ATG7: variants seen among roughly 807,000 people sequenced by gnomAD.
ATG7 encodes autophagy related 7, also known as ubiquitin-like modifier-activating enzyme ATG7.
ATG7 carries 70 observed loss-of-function variants against 82.4 expected under a neutral mutation model. The ratio of observed to expected loss-of-function variants is 0.85; its 90% CI spans 0.70 to 1.04. The LOEUF (loss-of-function observed/expected upper bound fraction) is 1.04. ATG7 is among the 50% of genes least tolerant of loss of function. ATG7 has a pLI of 0.00. For synonymous variants in ATG7, 287 were observed against 313.0 expected (o/e 0.92, Z 0.88); for missense variants, 792 against 864.3 (o/e 0.92, Z 1.05).
chr3:11,551,688 C>A (rs907472833), intron 20 of ATG7, among the ~76,000 whole-genome samples: 1 of 152,168 alleles, frequency 6.6e-6, no homozygotes, highest in African/African-American at 2.4e-5. Context: ...CCTCAGCCTC[C>A]CAAAGTGCTG....
At chr3:11,300,161 A>G (rs1297086152) in intron 5 of ATG7, among the ~76,000 whole-genome samples, 1 of 152,124 alleles carries the variant, frequency 6.6e-6, no homozygotes, top group African/African-American at 2.4e-5. Context: ...TCCTGACTTC[A>G]AGTGATTCGC....
At chr3:11,351,084 G>A (rs2075506436) in intron 14 of ATG7, among the ~76,000 whole-genome samples, 1 of 152,022 alleles carries the variant, frequency 6.6e-6, no homozygotes, top group Admixed American at 6.6e-5. Flanking sequence ...CATTGTCAGT[G>A]ACCCAATACA....
chr3:11,394,355 A>G (rs990044850), intron 19 of ATG7, among the ~76,000 whole-genome samples: 1 of 152,216 alleles, frequency 6.6e-6, no homozygotes, highest in African/African-American at 2.4e-5. Context: ...AAGTCACCTT[A>G]AGAAACTGGA....
At chr3:11,399,022 G>T (rs147738123) in intron 19 of ATG7, among the ~76,000 whole-genome samples, 2 of 152,152 alleles carry the variant, frequency 1.3e-5, no homozygotes, top group Admixed American at 6.5e-5. Flanking sequence ...GCAAAAGGAA[G>T]ATTAACATGT....
At chr3:11,368,469 C>A (rs2076776455) in intron 18 of ATG7, among the ~76,000 whole-genome samples, 1 of 152,042 alleles carries the variant, frequency 6.6e-6, no homozygotes, top group Non-Finnish European at 1.5e-5. Context: ...CCTGCTAATT[C>A]TTTGGCTGTA....
At chr3:11,568,876 A>G in the ATG7 span, 1 of 1,350,192 alleles carries the variant, frequency 7.4e-7, no homozygotes, top group Non-Finnish European at 9.5e-7. This position sits in a 1 kb window ranked among gnomAD's most constrained non-coding sequence, Gnocchi z 5.9. Flanking sequence ...CTGAGGCTGC[A>G]CGGCACCCGG....
chr3:11,315,921 C>T (rs1214549543), intron 9 of ATG7, among the ~76,000 whole-genome samples: 9 of 151,988 alleles, frequency 5.9e-5, no homozygotes, highest in Non-Finnish European at 1.2e-4. Flanking sequence ...GAGACAGAGA[C>T]GAGGTTTCAC....
In ATG7 at chr3:11,361,724, G is replaced by A. The variant is rs542308918; in HGVS notation, c.1683+940G>A. 2.0e-5 allele frequency among the ~76,000 whole-genome samples: 3 copies of A among 152,288 alleles called. No homozygotes were observed. The South Asian group carries it at 6.2e-4, about 32-fold the overall frequency. The stretch of plus-strand genomic sequence containing the variant: ...GCTAATAGAGGAGGGAAGAATACCT[G>A]CCCTGTCAACTCACAGTGCAAAGTG... On this transcript the variant is annotated intron_variant, in intron 16 of 20. Transcript: ENST00000693202.
intron 20 of ATG7, among the ~76,000 whole-genome samples, chr3:11,462,522 G>T (rs1454384964): frequency 2.6e-5 from 4 of 152,146 alleles, no homozygotes; most frequent in Non-Finnish European, 5.9e-5. Context: ...TTTAGGGTTG[G>T]CTAGTTTGAA....
At chr3:11,404,587 A>G (rs911867739) in intron 19 of ATG7, among the ~76,000 whole-genome samples, 1 of 151,952 alleles carries the variant, frequency 6.6e-6, no homozygotes. Context: ...GGTTTTGGGC[A>G]TGTACCTAGC....
intron 3 of ATG7, among the ~76,000 whole-genome samples, chr3:11,283,379 C>T (rs901940364): frequency 6.6e-6 from 1 of 152,160 alleles, no homozygotes; most frequent in Admixed American, 6.5e-5. Flanking sequence ...TGACTGCTTG[C>T]TGTATGCCAG....
At chr3:11,498,501 A>T (rs945608388) in intron 20 of ATG7, among the ~76,000 whole-genome samples, 1 of 152,056 alleles carries the variant, frequency 6.6e-6, no homozygotes, top group Non-Finnish European at 1.5e-5. Context: ...CATTCCTCCA[A>T]TCCATCCACC....
chr3:11,525,706 CA>C lies in ATG7; in HGVS notation c.2080-29104del, dbSNP rs2092562909. On this transcript the variant is annotated intron_variant, in intron 20 of 20. Coordinates refer to ENST00000693202, the MANE Select transcript of ATG7 (RefSeq NM_001349232.2). ...AGTAGCTGGAACTACAGGTACCCGC[CA>C]CCACACCTGGCTAATTTTTTGTATT... Among the ~76,000 whole-genome samples the C allele has an allele frequency of 2.0e-5, 3 of 151,996 alleles. No homozygotes were observed. The South Asian group carries it at 6.3e-4, about 32-fold the overall frequency.
intron 20 of ATG7, among the ~76,000 whole-genome samples, chr3:11,440,615 C>T (rs1230849978): frequency 4.7e-5 from 7 of 148,078 alleles, no homozygotes; most frequent in South Asian, 4.3e-4. Context: ...TGAGCCACCG[C>T]GCCCGGCCTT....
intron 17 of ATG7, among the ~76,000 whole-genome samples, chr3:11,364,244 T>C (rs557497423): frequency 6.6e-6 from 1 of 152,360 alleles, no homozygotes; most frequent in Non-Finnish European, 1.5e-5. Flanking sequence ...CCACTTCAAA[T>C]TTTCAGTACA....
At chr3:11,303,604 C>A (rs1424754834) in intron 5 of ATG7, among the ~76,000 whole-genome samples, 1 of 151,198 alleles carries the variant, frequency 6.6e-6, no homozygotes. Flanking sequence ...GGAGGCGGAG[C>A]TTGCAGTGAG....
intron 3 of ATG7, among the ~76,000 whole-genome samples, chr3:11,287,122 T>G (rs570692381): frequency 2.6e-5 from 4 of 152,198 alleles, no homozygotes; most frequent in African/African-American, 9.6e-5. Flanking sequence ...CACAAGGGAT[T>G]AGGGACATTG....
chr3:11,538,874 C>CAAA (rs60200228), intron 20 of ATG7, among the ~76,000 whole-genome samples: 26 of 140,180 alleles, frequency 1.9e-4, no homozygotes, highest in Admixed American at 2.9e-4. Context: ...ACTCTTGTCT[C>CAAA]AAAAAAAAAG....
At chr3:11,354,061 A>G (rs560695732) in intron 14 of ATG7, among the ~76,000 whole-genome samples, 1 of 152,272 alleles carries the variant, frequency 6.6e-6, no homozygotes, top group Non-Finnish European at 1.5e-5. Flanking sequence ...TCTAAAATAT[A>G]TGTATCCCAG....
Sources: allele counts gnomAD v4.1 joint callset (sites outside exome capture counted in the v4.1 genomes callset), GRCh38; gene constraint gnomAD v4.1.1; non-coding constraint Gnocchi (gnomAD v3.1); transcripts MANE v1.5; gene names NCBI Gene and HGNC (gene_info 2026-07-23, HGNC 2026-07-21).